VPS13C: variants seen among roughly 807,000 people sequenced by gnomAD.
VPS13C encodes vacuolar protein sorting 13 homolog C.
VPS13C carries 358 observed loss-of-function variants against 456.8 expected under a neutral mutation model. The observed-to-expected ratio is 0.78, with a 90% confidence interval of 0.72 to 0.86. VPS13C has a LOEUF of 0.86. Ranked by LOEUF, VPS13C falls within the 40% of genes least tolerant of loss-of-function variation. The probability of loss-of-function intolerance (pLI) is 0.00; values close to 1 mark genes in which losing one functional copy is unlikely to be tolerated. For synonymous variants in VPS13C, 1,578 were observed against 1,486.7 expected, an observed-to-expected ratio of 1.06 and a Z score of -1.41; for missense variants, 4,818 against 4,385.4, an observed-to-expected ratio of 1.10 and a Z score of -2.79.
At chr15:62,043,256 T>C (rs940234542) in intron 2 of VPS13C, among the ~76,000 whole-genome samples, 1 of 152,224 alleles carries the variant, frequency 6.6e-6, no homozygotes, top group Non-Finnish European at 1.5e-5. Context: ...ATTATATTGT[T>C]TTATAATTAA....
At chr15:61,875,616 G>T in intron 76 of VPS13C, 116 bp downstream of exon 76, 1 of 712,128 alleles carries the variant, frequency 1.4e-6, no homozygotes, top group Non-Finnish European at 2.4e-6. Flanking sequence ...ATACTTTTGT[G>T]ATTTGAACAT....
intron 71 of VPS13C, 141 bp downstream of exon 71, chr15:61,881,422 T>TA: frequency 1.3e-6 from 1 of 778,812 alleles, no homozygotes; most frequent in Non-Finnish European, 1.9e-6. Flanking sequence ...CATAAAAGAT[T>TA]ACTTGACCAA....
intron 6 of VPS13C, among the ~76,000 whole-genome samples, chr15:62,026,565 C>G (rs1350034926): frequency 1.3e-5 from 2 of 152,000 alleles, no homozygotes; most frequent in African/African-American, 4.8e-5. Context: ...GAAGTGTCTA[C>G]CAAACAACCA....
intron 25 of VPS13C, 54 bp from the exon 26 acceptor site, chr15:61,973,586 T>A (rs535727769): frequency 1.5e-6 from 2 of 1,336,136 alleles, no homozygotes; most frequent in African/African-American, 2.9e-5. Context: ...CAGGATTAAA[T>A]GTCATAAATG....
Position 61,920,619 on chromosome 15 carries a change from CT to C in VPS13C, c.7090del (p.Ser2364ValfsTer24). 1 of 1,585,046 alleles carries C rather than the reference CT, an allele frequency of 6.3e-7. No homozygotes were observed. The highest frequency in any genetic ancestry group is 8.5e-7 in the Non-Finnish European group (1 of 1,172,414). The part of the protein sequence containing the change: ...DVKKNPVQDK[S>X]LLPGDDFIPE... ...AATAAAATCATCTCCTGGCAGCAAA[CT>C]TTTATCCTGAACTGGGTTCTTCTTT... On this transcript the variant is annotated frameshift_variant, in exon 56 of 85. Coordinates refer to ENST00000644861, the MANE Select transcript of VPS13C (RefSeq NM_020821.3). LOFTEE classifies it high-confidence loss of function.
At chr15:62,014,121 A>G in intron 9 of VPS13C, 129 bp from the exon 10 acceptor site, 2 of 522,206 alleles carry the variant, frequency 3.8e-6, no homozygotes, top group Non-Finnish European at 6.7e-6. Flanking sequence ...AGTATTAGCT[A>G]TCTATTTCTT....
At chr15:61,914,845 C>A (rs2043412051) in intron 61 of VPS13C, among the ~76,000 whole-genome samples, 1 of 122,160 alleles carries the variant, frequency 8.2e-6, no homozygotes, top group African/African-American at 3.2e-5. Flanking sequence ...GATTTACAGG[C>A]ATAAGCCACC....
intron 6 of VPS13C, among the ~76,000 whole-genome samples, chr15:62,025,454 A>G (rs150804607): frequency 6.6e-6 from 1 of 152,216 alleles, no homozygotes; most frequent in African/African-American, 2.4e-5. Context: ...TCAAAGAAAT[A>G]CCATTTGAAA....
intron 73 of VPS13C, chr15:61,879,534 A>G (rs1345335208): frequency 6.6e-6 from 1 of 152,094 alleles, no homozygotes; most frequent in Non-Finnish European, 1.5e-5. Flanking sequence ...AATGTTACTT[A>G]TGGGCTATGA....
intron 63 of VPS13C, among the ~76,000 whole-genome samples, chr15:61,910,992 T>G (rs1262098541): frequency 6.6e-6 from 1 of 152,232 alleles, no homozygotes. Context: ...TCTAAGTGCC[T>G]TGAACAGACC....
intron 20 of VPS13C, 120 bp downstream of exon 20, chr15:61,983,700 T>G (rs1306726963): frequency 1.7e-6 from 2 of 1,142,986 alleles, no homozygotes; most frequent in African/African-American, 3.2e-5. Context: ...AAGAAAAACC[T>G]ATTAGGAAAC....
chr15:62,060,270 C>CT lies in VPS13C; in HGVS notation c.100+4dup. On this transcript the variant is annotated splice_donor_region_variant and intron_variant, in intron 1 of 84. Transcript: ENST00000644861. ...GCAGCCCACTGGCCGCGCCCTCTCG[C>CT]TTACCGCCCCAGATGCCCAGCTTCA... is the stretch of plus-strand genomic sequence containing the variant. The CT allele has an allele frequency of 6.3e-7, 1 of 1,599,244 alleles. No individual in the cohort carries two copies. The highest frequency in any genetic ancestry group is 8.5e-7 in the Non-Finnish European group (1 of 1,172,296).
intron 9 of VPS13C, among the ~76,000 whole-genome samples, chr15:62,014,412 A>G (rs2047155146): frequency 6.6e-6 from 1 of 152,122 alleles, no homozygotes; most frequent in Non-Finnish European, 1.5e-5. Flanking sequence ...ATGTTCAGCA[A>G]CACCAAACAC....
At chr15:61,930,947 A>T in intron 50 of VPS13C, 143 bp downstream of exon 50, 2 of 890,750 alleles carry the variant, frequency 2.2e-6, no homozygotes, top group Non-Finnish European at 3.5e-6. Context: ...TATTAGCACT[A>T]CTTCTTAATG....
At chr15:62,024,316 C>G (rs978326760) in intron 6 of VPS13C, among the ~76,000 whole-genome samples, 1 of 152,048 alleles carries the variant, frequency 6.6e-6, no homozygotes, top group Non-Finnish European at 1.5e-5. Context: ...TGATACACTT[C>G]ACAAGCAAAT....
Position 61,890,269 on chromosome 15 carries a change from T to C in VPS13C, c.9237A>G (p.Glu3079=). 1 of 1,614,090 alleles carries C rather than the reference T, an allele frequency of 6.2e-7. No homozygotes were observed. Reference sequence around the variant, plus strand: ...TTATTTCATAATCAGCCTGTTCCATTTCTTCTGCCTGCAGTGCTTTGGAAA... The same window carrying C: ...TTATTTCATAATCAGCCTGTTCCATCTCTTCTGCCTGCAGTGCTTTGGAAA... ...ALVSKALQAE[E]MEQADYEITL... The change falls in exon 67 of 85, where the codon GAA becomes GAG. Residue 3079 remains glutamate (E), a synonymous_variant. Transcript: ENST00000644861.
chr15:61,899,136 C>A, intron 66 of VPS13C, among the ~76,000 whole-genome samples: 1 of 64,738 alleles, frequency 1.5e-5, no homozygotes, highest in Non-Finnish European at 3.1e-5. Flanking sequence ...CACTAAATGC[C>A]CACAAGAGAA....
intron 46 of VPS13C, among the ~76,000 whole-genome samples, 174 bp from the exon 47 acceptor site, chr15:61,940,968 A>T (rs8033816): frequency 6.6e-6 from 1 of 151,982 alleles, no homozygotes; most frequent in Non-Finnish European, 1.5e-5. Flanking sequence ...ATCACAACAC[A>T]TAAGTTTATA....
chr15:61,968,642 G>C (rs1292329390), intron 28 of VPS13C, among the ~76,000 whole-genome samples: 2 of 151,932 alleles, frequency 1.3e-5, no homozygotes, highest in Non-Finnish European at 2.9e-5. Context: ...AACAATCAGA[G>C]TTTCTGAAAG....
Sources: allele counts gnomAD v4.1 joint callset (sites outside exome capture counted in the v4.1 genomes callset), GRCh38; gene constraint gnomAD v4.1.1; transcripts MANE v1.5; gene names NCBI Gene and HGNC (gene_info 2026-07-23, HGNC 2026-07-21).